The following ITGBL1 variants were observed in gnomAD, a reference collection of about 807,000 sequenced individuals.
ITGBL1 encodes integrin subunit beta like 1, also known as integrin beta-like protein 1.
Under a neutral mutation model 68.5 loss-of-function variants are expected in ITGBL1, and 51 were observed. That is an observed-to-expected ratio of 0.74 (90% CI 0.59 to 0.94). The LOEUF is 0.94. ITGBL1 is among the 40% of genes least tolerant of loss of function. The pLI, the probability that ITGBL1 is intolerant of heterozygous loss-of-function variation, is 0.00. For missense variants in ITGBL1, 649 were observed against 647.4 expected (o/e 1.00, Z -0.03); for synonymous variants, 209 against 227.3 (o/e 0.92, Z 0.72).
chr13:101,503,908 A>G (rs1338082614), intron 2 of ITGBL1, among the ~76,000 whole-genome samples: 1 of 152,196 alleles, frequency 6.6e-6, no homozygotes, highest in Admixed American at 6.5e-5. Context: ...CACTAGGAAG[A>G]CAGGGAGTAT....
chr13:101,533,208 T>C (rs1160321347), intron 2 of ITGBL1, among the ~76,000 whole-genome samples: 1 of 152,220 alleles, frequency 6.6e-6, no homozygotes, highest in Non-Finnish European at 1.5e-5. Flanking sequence ...GCTGCACATT[T>C]GCCATTCTAA....
At chr13:101,587,408 T>C (rs1183517345) in intron 6 of ITGBL1, among the ~76,000 whole-genome samples, 1 of 152,144 alleles carries the variant, frequency 6.6e-6, no homozygotes, top group Non-Finnish European at 1.5e-5. Flanking sequence ...CACGCACCCC[T>C]CAAAGACAAT....
At chr13:101,563,068 A>G (rs1247682317) in intron 2 of ITGBL1, among the ~76,000 whole-genome samples, 1 of 151,386 alleles carries the variant, frequency 6.6e-6, no homozygotes, top group African/African-American at 2.4e-5. Context: ...AATGAATGAA[A>G]ATAAAATAAT....
At chr13:101,502,703 CCA>C (rs553027623) in intron 2 of ITGBL1, among the ~76,000 whole-genome samples, 115 of 152,226 alleles carry the variant, frequency 7.6e-4, no homozygotes, top group South Asian at 2.7e-3. Context: ...TATGAGTAAA[CCA>C]CAGTCTTTGC....
chr13:101,684,010 G>A (rs2033700353), intron 7 of ITGBL1, among the ~76,000 whole-genome samples: 1 of 151,806 alleles, frequency 6.6e-6, no homozygotes, highest in African/African-American at 2.4e-5. Context: ...CTCATTCTGT[G>A]GCTCACCTTT....
chr13:101,483,634 A>G (rs189949604), intron 2 of ITGBL1, among the ~76,000 whole-genome samples: 1 of 152,178 alleles, frequency 6.6e-6, no homozygotes, highest in Non-Finnish European at 1.5e-5. Context: ...ATACTGGGCT[A>G]TTTGGGCTAG....
chr13:101,471,375 ACTC>A (rs2048454648), intron 2 of ITGBL1, among the ~76,000 whole-genome samples: 1 of 151,714 alleles, frequency 6.6e-6, no homozygotes, highest in Non-Finnish European at 1.5e-5. Context: ...TAAATTATAT[ACTC>A]CTCAAGGGCA....
At chr13:101,515,792 G>A (rs563396428) in intron 2 of ITGBL1, among the ~76,000 whole-genome samples, 1 of 152,080 alleles carries the variant, frequency 6.6e-6, no homozygotes, top group Non-Finnish European at 1.5e-5. Flanking sequence ...TCATCAGATT[G>A]ATCTTCTCTG....
Position 101,692,679 on chromosome 13 carries a change from C to G in ITGBL1, c.1110C>G (p.Asp370Glu). 1 of 1,612,890 alleles carries G rather than the reference C, an allele frequency of 6.2e-7. No individual in the cohort carries two copies. Among genetic ancestry groups the G allele is most frequent in the Non-Finnish European group, 8.5e-7 (1 of 1,179,020 alleles). Residue 370 changes from aspartate to glutamate, a missense_variant, in exon 8 of 11, where the codon GAC (aspartate) becomes GAG (glutamate). Asp to Glu is a conservative substitution (Grantham distance 45). Coordinates refer to ENST00000376180, the MANE Select transcript of ITGBL1 (RefSeq NM_004791.3). ...TCECDDRRCEDLDGVVCGGHG... is the reference protein window; with the variant it reads ...TCECDDRRCEELDGVVCGGHG... ...AGTGTGATGATCGCCGCTGTGAAGA[C>G]CTCGATGGTGTGGTCTGTGGAGGTA...
intron 6 of ITGBL1, among the ~76,000 whole-genome samples, chr13:101,595,739 T>C (rs1004915240): frequency 6.6e-6 from 1 of 152,148 alleles, no homozygotes; most frequent in African/African-American, 2.4e-5. Flanking sequence ...ACTTCCATGT[T>C]GTTGGTGAGG....
intron 7 of ITGBL1, among the ~76,000 whole-genome samples, chr13:101,689,265 T>G (rs1457758085): frequency 1.4e-5 from 2 of 144,220 alleles, no homozygotes; most frequent in Admixed American, 7.2e-5. Flanking sequence ...ATAGTTAATT[T>G]TATTGTATTT....
intron 7 of ITGBL1, among the ~76,000 whole-genome samples, chr13:101,678,240 C>A (rs74686559): frequency 1.3e-5 from 2 of 152,020 alleles, no homozygotes; most frequent in Admixed American, 6.6e-5. Context: ...CTAATGTCTG[C>A]GACTTGGGGA....
At chr13:101,654,987 A>G (rs540066206) in intron 7 of ITGBL1, among the ~76,000 whole-genome samples, 3 of 152,334 alleles carry the variant, frequency 2.0e-5, no homozygotes, top group South Asian at 2.1e-4. Context: ...ATGACAGATT[A>G]AATTTCACAG....
chr13:101,616,461 C>T (rs992649619), intron 7 of ITGBL1, among the ~76,000 whole-genome samples: 5 of 152,056 alleles, frequency 3.3e-5, no homozygotes, highest in African/African-American at 1.2e-4. Context: ...GGCTTTCTGC[C>T]TTCATAGCTA....
At chr13:101,600,364 A>G (rs1354326717) in intron 7 of ITGBL1, among the ~76,000 whole-genome samples, 1 of 152,194 alleles carries the variant, frequency 6.6e-6, no homozygotes, top group African/African-American at 2.4e-5. Flanking sequence ...TTCTAGATAT[A>G]CAATCATGTC....
At chr13:101,619,935 C>A (rs118076777) in intron 7 of ITGBL1, among the ~76,000 whole-genome samples, 1 of 152,224 alleles carries the variant, frequency 6.6e-6, no homozygotes, top group Non-Finnish European at 1.5e-5. Context: ...CAAAGCACAA[C>A]TTTATAGCTT....
intron 7 of ITGBL1, among the ~76,000 whole-genome samples, chr13:101,644,084 G>A (rs2032478333): frequency 6.6e-6 from 1 of 152,172 alleles, no homozygotes; most frequent in African/African-American, 2.4e-5. Flanking sequence ...CATAGTAGCT[G>A]CTGTCTTTGA....
intron 2 of ITGBL1, among the ~76,000 whole-genome samples, chr13:101,490,601 G>A (rs2048762410): frequency 6.6e-6 from 1 of 152,192 alleles, no homozygotes; most frequent in African/African-American, 2.4e-5. Flanking sequence ...TGTTTGAGCT[G>A]AGTCTTGAAG....
intron 8 of ITGBL1, among the ~76,000 whole-genome samples, chr13:101,700,836 T>C (rs1195990544): frequency 6.6e-6 from 1 of 152,204 alleles, no homozygotes; most frequent in Admixed American, 6.5e-5. Flanking sequence ...TGGCTCCTTC[T>C]CATCCCTTGG....
Sources: allele counts gnomAD v4.1 joint callset (sites outside exome capture counted in the v4.1 genomes callset), GRCh38; gene constraint gnomAD v4.1.1; transcripts MANE v1.5; gene names NCBI Gene and HGNC (gene_info 2026-07-23, HGNC 2026-07-21).